The following SLC22A15 variants were observed in gnomAD, a reference collection of about 807,000 sequenced individuals.
SLC22A15 encodes solute carrier family 22 member 15, also known as flipt 1.
Under a neutral mutation model 62.7 loss-of-function variants are expected in SLC22A15, and 45 were observed. The ratio of observed to expected loss-of-function variants is 0.72; its 90% confidence interval spans 0.56 to 0.92. The LOEUF is 0.92. Among genes scored for constraint, SLC22A15 ranks in the 40% least tolerant of loss-of-function variants. SLC22A15 has a pLI of 0.00. For missense variants in SLC22A15, 622 were observed against 665.6 expected, an observed-to-expected ratio of 0.93 and a Z score of 0.72; for synonymous variants, 264 against 267.0, an observed-to-expected ratio of 0.99 and a Z score of 0.11.
intron 8 of SLC22A15, among the ~76,000 whole-genome samples, chr1:116,047,082 G>C (rs1657946540): frequency 1.3e-5 from 2 of 152,122 alleles, no homozygotes; most frequent in South Asian, 4.1e-4. Context: ...GTGCTCTCTG[G>C]ATAGGTGCCA....
chr1:116,028,513 AG>A (rs1158650654), intron 5 of SLC22A15, among the ~76,000 whole-genome samples: 2 of 131,368 alleles, frequency 1.5e-5, no homozygotes, highest in African/African-American at 5.7e-5. Flanking sequence ...GGATGATCTG[AG>A]CTGTTCTGCT....
chr1:115,990,882 C>T (rs1161576983), intron 1 of SLC22A15, among the ~76,000 whole-genome samples: 5 of 152,122 alleles, frequency 3.3e-5, no homozygotes, highest in Admixed American at 6.5e-5. Context: ...CTGAGCCTCC[C>T]GAGTAGCTGG....
chr1:116,035,089 A>C (rs981118166), intron 6 of SLC22A15, 98 bp from the exon 7 acceptor site: 1 of 1,276,624 alleles, frequency 7.8e-7, no homozygotes. Flanking sequence ...AAGCAATTAT[A>C]TTGAACCAAT....
chr1:116,055,871 A>C (rs2101549310), intron 8 of SLC22A15, among the ~76,000 whole-genome samples: 1 of 147,930 alleles, frequency 6.8e-6, no homozygotes, highest in East Asian at 2.0e-4. Context: ...CATGCTAAAA[A>C]CTCTCAATAA....
At chr1:115,987,267 G>A (rs937439818) in intron 1 of SLC22A15, among the ~76,000 whole-genome samples, 8 of 150,640 alleles carry the variant, frequency 5.3e-5, no homozygotes, top group Non-Finnish European at 1.2e-4. Flanking sequence ...CCGGGTTCAC[G>A]CCATTCTCCT....
chr1:116,058,538 C>T (rs1024576496), intron 8 of SLC22A15, among the ~76,000 whole-genome samples: 6 of 152,128 alleles, frequency 3.9e-5, no homozygotes, highest in African/African-American at 1.4e-4. Flanking sequence ...CTAGTACAGC[C>T]ACTATGGAAA....
chr1:116,020,964 T>G, intron 4 of SLC22A15, 79 bp downstream of exon 4: 2 of 1,320,148 alleles, frequency 1.5e-6, no homozygotes, highest in Non-Finnish European at 2.1e-6. Context: ...AATCCTAGAG[T>G]CTGGAAATGC....
chr1:116,056,858 C>G (rs897535057), intron 8 of SLC22A15, among the ~76,000 whole-genome samples: 17 of 152,112 alleles, frequency 1.1e-4, no homozygotes, highest in African/African-American at 3.9e-4. Flanking sequence ...GCCATAGGTA[C>G]AAAGCTGAAA....
chr1:115,976,660 G>A lies in SLC22A15; in HGVS notation c.33G>A (p.Gly11=). Residue 11 remains glycine (G), a synonymous_variant, in exon 1 of 12, where the codon GGG becomes GGA. Coordinates refer to ENST00000369503, the MANE Select transcript of SLC22A15 (RefSeq NM_018420.3). MEVEEAFQAV[G]EMGIYQMYLC... ...TGGAGGAGGCGTTCCAGGCGGTGGGGGAGATGGGCATCTACCAGATGTACT... is the reference window on the plus strand; with the variant it reads ...TGGAGGAGGCGTTCCAGGCGGTGGGAGAGATGGGCATCTACCAGATGTACT... 2 of 1,588,562 alleles carry A rather than the reference G, an allele frequency of 1.3e-6. No homozygotes were observed. Among genetic ancestry groups the A allele is most frequent in the Non-Finnish European group, 8.6e-7 (1 of 1,169,252 alleles).
intron 2 of SLC22A15, among the ~76,000 whole-genome samples, chr1:115,998,049 G>A (rs1327146952): frequency 6.6e-6 from 1 of 151,962 alleles, no homozygotes; most frequent in African/African-American, 2.4e-5. Context: ...ATGATTGTAT[G>A]GTTTTTGTTC....
intron 2 of SLC22A15, among the ~76,000 whole-genome samples, chr1:116,012,966 C>T (rs895162634): frequency 6.6e-5 from 10 of 152,172 alleles, no homozygotes; most frequent in African/African-American, 2.4e-4. Context: ...CTACAGTGCT[C>T]TCCTGTATTC....
intron 6 of SLC22A15, among the ~76,000 whole-genome samples, 154 bp from the exon 7 acceptor site, chr1:116,035,033 A>G (rs918690205): frequency 1.3e-5 from 2 of 152,230 alleles, no homozygotes; most frequent in African/African-American, 4.8e-5. Flanking sequence ...TTAGATTAAA[A>G]TAGAAAAATT....
At position 116,062,789 on chromosome 1, in the gene SLC22A15, G is replaced by C. The variant is rs765032454; in HGVS notation, c.1199G>C (p.Ser400Thr). Residue 400 changes from serine to threonine, a missense_variant, in exon 9 of 12, where the codon AGC becomes ACC. Coordinates refer to ENST00000369503, the MANE Select transcript of SLC22A15 (RefSeq NM_018420.3). Reference sequence around the variant, plus strand: ...ACAGGTGTGTTTGCAGTGGTGAACAGCCATTCCTTGTCCTTGCTGGGGAAG... The same window carrying C: ...ACAGGTGTGTTTGCAGTGGTGAACACCCATTCCTTGTCCTTGCTGGGGAAG... ...KDTGVFAVVN[S>T]HSLSLLGKLT... 2 of 1,613,918 alleles carry C rather than the reference G, an allele frequency of 1.2e-6. No individual in the cohort carries two copies. The highest frequency in any genetic ancestry group is 3.3e-5 in the Admixed American group (2 of 60,022).
intron 2 of SLC22A15, among the ~76,000 whole-genome samples, chr1:116,012,554 A>T (rs1296512506): frequency 2.0e-5 from 3 of 152,220 alleles, no homozygotes. Context: ...TCATATGGGT[A>T]CACTAGGATG....
chr1:115,992,353 T>A, intron 2 of SLC22A15, 110 bp downstream of exon 2: 1 of 963,396 alleles, frequency 1.0e-6, no homozygotes, highest in Non-Finnish European at 1.5e-6. Flanking sequence ...AATAACTTTC[T>A]AGTAAATTTA....
At chr1:116,056,394 T>G (rs1226690869) in intron 8 of SLC22A15, among the ~76,000 whole-genome samples, 35 of 146,988 alleles carry the variant, frequency 2.4e-4, no homozygotes, top group African/African-American at 4.8e-4. Context: ...CACTGCTCAA[T>G]GAAATAAAAG....
At chr1:116,066,210 C>G (rs1251403910) in intron 10 of SLC22A15, among the ~76,000 whole-genome samples, 1 of 152,158 alleles carries the variant, frequency 6.6e-6, no homozygotes, top group African/African-American at 2.4e-5. Flanking sequence ...CCATATAGGC[C>G]TGCCTGCTCA....
chr1:116,023,823 C>G (rs1184291817), intron 4 of SLC22A15, among the ~76,000 whole-genome samples: 1 of 152,092 alleles, frequency 6.6e-6, no homozygotes, highest in Non-Finnish European at 1.5e-5. Flanking sequence ...ATTAGGAAGA[C>G]CCAGGCCTGT....
At chr1:116,023,370 G>A (rs1371199213) in intron 4 of SLC22A15, among the ~76,000 whole-genome samples, 1 of 152,120 alleles carries the variant, frequency 6.6e-6, no homozygotes, top group African/African-American at 2.4e-5. Flanking sequence ...TTATATTAAT[G>A]TCTTCATATA....
Sources: gnomAD v4.1 joint callset for allele counts (sites outside exome capture counted in the v4.1 genomes callset) on GRCh38, gnomAD v4.1.1 for gene constraint, MANE v1.5 for transcripts, NCBI Gene and HGNC (gene_info 2026-07-23, HGNC 2026-07-21) for gene names.